The following MSRA variants were observed in gnomAD, a reference collection of about 807,000 sequenced individuals.
MSRA encodes the protein methionine sulfoxide reductase A.
Under a neutral mutation model 31.3 loss-of-function variants are expected in MSRA, and 54 were observed. The ratio of observed to expected loss-of-function variants is 1.73; its 90% CI spans 1.39 to 2.17. MSRA has a LOEUF of 2.17. Ranked by LOEUF, MSRA falls within the 30% of genes most tolerant of loss-of-function variation. The probability of loss-of-function intolerance (pLI) is 0.00; values close to 1 mark genes in which losing one functional copy is unlikely to be tolerated. For missense variants in MSRA, 507 were observed against 300.9 expected (o/e 1.69, Z -5.07); for synonymous variants, 169 against 116.5 (o/e 1.45, Z -2.90).
intron 5 of MSRA, among the ~76,000 whole-genome samples, chr8:10,342,136 C>T (rs1803466699): frequency 1.3e-5 from 2 of 152,146 alleles, no homozygotes; most frequent in Admixed American, 1.3e-4. Flanking sequence ...ACTTTTCATT[C>T]TTAAGTTCTG....
At chr8:10,134,754 AC>A (rs1420341272) in intron 1 of MSRA, among the ~76,000 whole-genome samples, 7 of 152,362 alleles carry the variant, frequency 4.6e-5, no homozygotes, top group African/African-American at 1.7e-4. Flanking sequence ...CTATGGCAGA[AC>A]AGAGCAACTA....
At chr8:10,391,892 A>G (rs145266065) in intron 5 of MSRA, among the ~76,000 whole-genome samples, 9 of 152,282 alleles carry the variant, frequency 5.9e-5, no homozygotes, top group South Asian at 2.1e-4. Context: ...GGTGCTGATC[A>G]TGCAGTGAAC....
intron 1 of MSRA, among the ~76,000 whole-genome samples, chr8:10,155,879 GT>G (rs1479397313): frequency 2.0e-5 from 3 of 152,226 alleles, no homozygotes; most frequent in African/African-American, 7.2e-5. Context: ...AACTCCTCAT[GT>G]TATAACCTTA....
At chr8:10,162,256 G>T (rs1804727712) in intron 1 of MSRA, among the ~76,000 whole-genome samples, 1 of 152,136 alleles carries the variant, frequency 6.6e-6, no homozygotes, top group Admixed American at 6.5e-5. Flanking sequence ...GGCTTTGGGA[G>T]TCTGGTGAGT....
intron 1 of MSRA, among the ~76,000 whole-genome samples, chr8:10,090,338 G>T (rs953598061): frequency 6.6e-6 from 1 of 152,178 alleles, no homozygotes; most frequent in Admixed American, 6.5e-5. Context: ...AGTTGGCTGG[G>T]ATGGAACCAA....
intron 5 of MSRA, among the ~76,000 whole-genome samples, chr8:10,408,758 C>G (rs927352333): frequency 8.6e-6 from 1 of 116,760 alleles, no homozygotes; most frequent in Non-Finnish European, 1.6e-5. Flanking sequence ...CCTTCCAAGT[C>G]TCCAGTAACT....
chr8:10,229,909 A>G (rs913233454), intron 2 of MSRA, among the ~76,000 whole-genome samples: 1 of 152,200 alleles, frequency 6.6e-6, no homozygotes, highest in African/African-American at 2.4e-5. Flanking sequence ...TCCTCCCCAT[A>G]TAATCAGTGA....
intron 5 of MSRA, chr8:10,353,968 C>G (rs756706533): frequency 1.1e-4 from 19 of 177,622 alleles, no homozygotes; most frequent in Non-Finnish European, 2.1e-4. Context: ...CTAAAATGAA[C>G]TTTTCTTTTT....
At chr8:10,306,918 G>C (rs1013233217) in intron 4 of MSRA, among the ~76,000 whole-genome samples, 4 of 152,148 alleles carry the variant, frequency 2.6e-5, no homozygotes, top group African/African-American at 9.7e-5. Flanking sequence ...GCACCTCTTA[G>C]GGGCCAGTCT....
intron 5 of MSRA, among the ~76,000 whole-genome samples, chr8:10,342,747 G>C (rs1803509644): frequency 6.6e-6 from 1 of 152,138 alleles, no homozygotes; most frequent in South Asian, 2.1e-4. Flanking sequence ...ACACAGCGTG[G>C]GTGCCAAGCT....
At chr8:10,136,372 G>T (rs1320411597) in intron 1 of MSRA, among the ~76,000 whole-genome samples, 1 of 152,190 alleles carries the variant, frequency 6.6e-6, no homozygotes, top group Non-Finnish European at 1.5e-5. Context: ...TCTCGTTCAT[G>T]TTACACAGCT....
At chr8:10,136,154 A>G (rs542652539) in intron 1 of MSRA, among the ~76,000 whole-genome samples, 32 of 152,198 alleles carry the variant, frequency 2.1e-4, no homozygotes, top group Non-Finnish European at 4.1e-4. Flanking sequence ...CAACTAAGTG[A>G]TAAGGGCTTG....
chr8:10,132,658 A>G (rs1801983038), intron 1 of MSRA, among the ~76,000 whole-genome samples: 1 of 152,216 alleles, frequency 6.6e-6, no homozygotes, highest in Non-Finnish European at 1.5e-5. Context: ...CCCATTCATG[A>G]TGGATCCACC....
chr8:10,265,752 C>A (rs1798713954), intron 3 of MSRA, among the ~76,000 whole-genome samples: 2 of 152,232 alleles, frequency 1.3e-5, no homozygotes, highest in South Asian at 2.1e-4. Flanking sequence ...CTTCATCATT[C>A]CTCCCCCTGC....
chr8:10,343,325 C>T (rs1318204862), intron 5 of MSRA, among the ~76,000 whole-genome samples: 2 of 152,208 alleles, frequency 1.3e-5, no homozygotes, highest in African/African-American at 4.8e-5. Flanking sequence ...GTTTACATGT[C>T]AGACCCAACA....
chr8:10,280,617 T>A (rs558429554), intron 3 of MSRA, among the ~76,000 whole-genome samples: 7 of 152,318 alleles, frequency 4.6e-5, no homozygotes, highest in African/African-American at 1.4e-4. Flanking sequence ...TGGCAGTTCC[T>A]TAAAAGGTTA....
In MSRA at chr8:10,054,382, G is replaced by C; in HGVS notation, c.-135G>C. On this transcript the variant is annotated 5_prime_UTR_variant, in exon 1 of 6. Coordinates refer to ENST00000317173, the MANE Select transcript of MSRA (RefSeq NM_012331.5). ...CGGGCGGCCTCCAGCCCCGCCAGCAGCGCCCCGCGCCCGCCCGCCCGCGCC... is the reference window on the plus strand; with the variant it reads ...CGGGCGGCCTCCAGCCCCGCCAGCACCGCCCCGCGCCCGCCCGCCCGCGCC... 1 of 822,214 alleles carries C rather than the reference G, an allele frequency of 1.2e-6. No individual in the cohort carries two copies. The highest frequency in any genetic ancestry group is 1.6e-6 in the Non-Finnish European group (1 of 611,102). 50.9% of individuals were successfully genotyped at this position (822,214 alleles called of 1,614,324 possible).
chr8:10,392,458 G>A (rs1266090480), intron 5 of MSRA, among the ~76,000 whole-genome samples: 1 of 152,018 alleles, frequency 6.6e-6, no homozygotes, highest in Non-Finnish European at 1.5e-5. Context: ...TCTCCCTATG[G>A]GTTCCTCCCT....
intron 1 of MSRA, among the ~76,000 whole-genome samples, chr8:10,153,460 T>G (rs1337633738): frequency 6.6e-6 from 1 of 152,202 alleles, no homozygotes; most frequent in Non-Finnish European, 1.5e-5. Context: ...TGGTTGTCTT[T>G]ATCCTCGGAG....
Sources: allele counts gnomAD v4.1 joint callset (sites outside exome capture counted in the v4.1 genomes callset), GRCh38; gene constraint gnomAD v4.1.1; transcripts MANE v1.5; gene names NCBI Gene and HGNC (gene_info 2026-07-23, HGNC 2026-07-21).